Variants in SDK1 observed in about 807,000 individuals in gnomAD.
The protein encoded by SDK1 is protein sidekick-1.
Under a neutral mutation model 245.5 loss-of-function variants are expected in SDK1, and 157 were observed. The ratio of observed to expected loss-of-function variants is 0.64; its 90% confidence interval spans 0.56 to 0.73. SDK1 has a LOEUF of 0.73. Ranked by LOEUF, SDK1 falls within the 30% of genes least tolerant of loss-of-function variation. SDK1 has a pLI of 0.00. For synonymous variants in SDK1, 1,647 were observed against 1,278.5 expected, an observed-to-expected ratio of 1.29 and a Z score of -6.15; for missense variants, 3,583 against 3,002.3, an observed-to-expected ratio of 1.19 and a Z score of -4.52.
chr7:4,042,645 T>TCC (rs1788716534), intron 17 of SDK1, among the ~76,000 whole-genome samples: 1 of 91,810 alleles, frequency 1.1e-5, no homozygotes, highest in Non-Finnish European at 2.0e-5. Context: ...GAAGTGTCCC[T>TCC]TGAGGCTTAG....
rs1262346072 is a variant in SDK1, at chr7:3,516,353, T to C, written c.299-102727T>C. Among the ~76,000 whole-genome samples, 5 of 152,234 alleles carry C rather than the reference T, an allele frequency of 3.3e-5. No individual in the cohort carries two copies. The East Asian group carries it at 5.8e-4, about 18-fold the overall frequency. On this transcript the variant is annotated intron_variant, in intron 1 of 44. Coordinates refer to ENST00000404826, the MANE Select transcript of SDK1 (RefSeq NM_152744.4). ...AAACCCCAGGAATGGCAGCTACCTA[T>C]GTCATACCATCCTGCTGGGTGATGC...
chr7:3,775,681 A>G (rs1383355228), intron 4 of SDK1, among the ~76,000 whole-genome samples: 1 of 150,328 alleles, frequency 6.7e-6, no homozygotes, highest in East Asian at 2.0e-4. Flanking sequence ...GGTTCACGCC[A>G]TTCTCCTGCC....
At chr7:4,199,314 C>G (rs150803788) in intron 35 of SDK1, among the ~76,000 whole-genome samples, 112 of 152,250 alleles carry the variant, frequency 7.4e-4, no homozygotes, top group Middle Eastern at 6.8e-3. Flanking sequence ...GAAGCACACA[C>G]AGTCCGCAAG....
At chr7:3,840,753 C>CTCGCAG (rs1780136569) in intron 5 of SDK1, among the ~76,000 whole-genome samples, 1 of 152,216 alleles carries the variant, frequency 6.6e-6, no homozygotes, top group African/African-American at 2.4e-5. Flanking sequence ...GGCAGAGCTA[C>CTCGCAG]TCGCAGTATG....
At chr7:3,713,023 G>A (rs1284363288) in intron 4 of SDK1, among the ~76,000 whole-genome samples, 2 of 152,212 alleles carry the variant, frequency 1.3e-5, no homozygotes, top group South Asian at 4.1e-4. Flanking sequence ...AAGGGGATGG[G>A]CACCAAGGCG....
At chr7:3,593,777 G>C (rs561141728) in intron 1 of SDK1, among the ~76,000 whole-genome samples, 1 of 152,290 alleles carries the variant, frequency 6.6e-6, no homozygotes, top group South Asian at 2.1e-4. Flanking sequence ...CAGTGGGTGA[G>C]AACGTAAGCT....
At chr7:3,973,306 C>A (rs535744701) in intron 12 of SDK1, among the ~76,000 whole-genome samples, 120 of 152,262 alleles carry the variant, frequency 7.9e-4, no homozygotes, top group Non-Finnish European at 1.4e-3. Context: ...GTGCTTATGA[C>A]TATGAAGTCT....
rs1420479842 is a variant in SDK1 at position 3,560,018 on chromosome 7, G to A, written c.299-59062G>A. On this transcript the variant is annotated intron_variant, in intron 1 of 44. Transcript: ENST00000404826. ...AAGACAGAAATGTGTAGCCCCAGGA[G>A]ACAGGAGATAGCTCAAAGCAACCTG... Among the ~76,000 whole-genome samples, 20 of 152,356 alleles carry A rather than the reference G, an allele frequency of 1.3e-4. No homozygotes were observed. The East Asian group carries it at 3.9e-3, about 29-fold the overall frequency.
intron 31 of SDK1, 95 bp downstream of exon 31, chr7:4,158,646 A>G (rs899616999): frequency 1.6e-5 from 13 of 834,190 alleles, no homozygotes; most frequent in South Asian, 1.0e-4. Flanking sequence ...GAAAGGGGCC[A>G]CCAGGGAGTG....
At chr7:3,304,849 T>C (rs1324956979) in intron 1 of SDK1, among the ~76,000 whole-genome samples, 3 of 152,232 alleles carry the variant, frequency 2.0e-5, no homozygotes, top group South Asian at 2.1e-4. Context: ...TTTAAACTTC[T>C]GATGCCTGGA....
At chr7:3,605,640 G>C (rs541609312) in intron 1 of SDK1, among the ~76,000 whole-genome samples, 1 of 151,900 alleles carries the variant, frequency 6.6e-6, no homozygotes, top group South Asian at 2.1e-4. Context: ...TTTTTTTCCA[G>C]AGTAATTTTC....
intron 22 of SDK1, 42 bp from the exon 23 acceptor site, chr7:4,110,621 C>T (rs780071631): frequency 1.1e-5 from 16 of 1,432,364 alleles, no homozygotes; most frequent in Middle Eastern, 2.2e-4. Flanking sequence ...GCCTCAGTCC[C>T]TAAGGCATGT....
At chr7:3,936,501 C>T (rs759603068) in intron 5 of SDK1, among the ~76,000 whole-genome samples, 11 of 151,604 alleles carry the variant, frequency 7.3e-5, no homozygotes, top group Middle Eastern at 3.4e-3. Flanking sequence ...AGGAGAAACA[C>T]GTGAACCCGT....
At chr7:4,248,528 A>G (rs1787065104) in intron 44 of SDK1, among the ~76,000 whole-genome samples, 1 of 152,124 alleles carries the variant, frequency 6.6e-6, no homozygotes, top group Non-Finnish European at 1.5e-5. Flanking sequence ...ACACATACGT[A>G]CACATACACA....
At chr7:3,902,740 A>G (rs960811665) in intron 5 of SDK1, among the ~76,000 whole-genome samples, 1 of 152,208 alleles carries the variant, frequency 6.6e-6, no homozygotes, top group African/African-American at 2.4e-5. Context: ...CTTGTACTCC[A>G]TTCTCAACAA....
At chr7:3,722,019 GC>G (rs1778826790) in intron 4 of SDK1, among the ~76,000 whole-genome samples, 1 of 152,048 alleles carries the variant, frequency 6.6e-6, no homozygotes. Flanking sequence ...CCTCACTGCA[GC>G]CTTGACCTCT....
intron 19 of SDK1, 124 bp from the exon 20 acceptor site, chr7:4,067,714 T>C (rs1779991946): frequency 1.5e-6 from 1 of 645,268 alleles, no homozygotes; most frequent in Admixed American, 2.7e-5. Context: ...CACTGATGTC[T>C]CCTGCAGGGT....
At chr7:3,694,433 G>T (rs1481767443) in intron 4 of SDK1, among the ~76,000 whole-genome samples, 1 of 152,192 alleles carries the variant, frequency 6.6e-6, no homozygotes, top group Non-Finnish European at 1.5e-5. Context: ...GGCAAGCGGG[G>T]AATAGCAGCC....
chr7:3,801,520 T>C (rs935175580), intron 4 of SDK1, among the ~76,000 whole-genome samples: 3 of 152,216 alleles, frequency 2.0e-5, no homozygotes, highest in African/African-American at 7.2e-5. Context: ...CATTGTGCTC[T>C]CTCTCTATCG....
Sources: gnomAD v4.1 joint callset for allele counts (sites outside exome capture counted in the v4.1 genomes callset) on GRCh38, gnomAD v4.1.1 for gene constraint, MANE v1.5 for transcripts, NCBI Gene and HGNC (gene_info 2026-07-23, HGNC 2026-07-21) for gene names.